The following GLG1 variants were observed in gnomAD, a reference collection of about 807,000 sequenced individuals.
GLG1 encodes golgi glycoprotein 1.
Under a neutral mutation model 160.5 loss-of-function variants are expected in GLG1, and 38 were observed. The ratio of observed to expected loss-of-function variants is 0.24; its 90% CI spans 0.18 to 0.31. The LOEUF is 0.31. Ranked by LOEUF, GLG1 falls within the 10% of genes least tolerant of loss-of-function variation. The pLI, the probability that GLG1 is intolerant of heterozygous loss-of-function variation, is 1.00. For missense variants in GLG1, 1,373 were observed against 1,505.2 expected, an observed-to-expected ratio of 0.91 and a Z score of 1.45; for synonymous variants, 644 against 543.4, an observed-to-expected ratio of 1.19 and a Z score of -2.57.
chr16:74,598,848 C>T (rs570633937), intron 1 of GLG1, among the ~76,000 whole-genome samples: 98 of 151,890 alleles, frequency 6.5e-4, no homozygotes, highest in Admixed American at 1.3e-3. Flanking sequence ...CATTCCACTT[C>T]ACTCCAGCCT....
chr16:74,502,965 C>G (rs13339456), intron 4 of GLG1, among the ~76,000 whole-genome samples: 101,534 of 151,228 alleles, frequency 0.67, 34,299 homozygotes, highest in East Asian at 0.81. Flanking sequence ...CCAGCACTTT[C>G]GGAGGCCGAG....
rs762466362 is a variant in GLG1, at chr16:74,508,940, A to G, written c.472-15T>C. On this transcript the variant is annotated splice_polypyrimidine_tract_variant and intron_variant, in intron 2 of 25. Transcript: ENST00000422840. ...TTCCACAACAACTAGATAGGAGAGG[A>G]AAAAAAAAAACAAAGAAAAACTCCA... The G allele has an allele frequency of 2.2e-4, 161 of 748,752 alleles. No individual in the cohort carries two copies. The highest frequency in any genetic ancestry group is 2.8e-4 in the Middle Eastern group (1 of 3,514). The allele number at this position is 748,752 out of a possible 1,614,324, so 46.4% of individuals were successfully genotyped here. A position where few individuals can be genotyped will look rare whatever the true frequency, so the allele number is the denominator to read the frequency against.
chr16:74,496,782 T>C, intron 4 of GLG1, 138 bp from the exon 5 acceptor site: 1 of 633,704 alleles, frequency 1.6e-6, no homozygotes, highest in South Asian at 2.0e-5. Context: ...GTTGACTTAT[T>C]AACGTTCTAC....
intron 9 of GLG1, among the ~76,000 whole-genome samples, chr16:74,483,884 C>T (rs542483647): frequency 6.6e-6 from 1 of 152,274 alleles, no homozygotes; most frequent in South Asian, 2.1e-4. Context: ...TGGTCTCGAT[C>T]TCCTGACCTC....
intron 9 of GLG1, 75 bp from the exon 10 acceptor site, chr16:74,483,199 T>C (rs2015669016): frequency 4.6e-6 from 4 of 866,108 alleles, no homozygotes; most frequent in Non-Finnish European, 7.7e-6. Flanking sequence ...ATTTCCCTGG[T>C]CTGTAGAAGG....
At chr16:74,510,160 T>C (rs932793512) in intron 2 of GLG1, among the ~76,000 whole-genome samples, 1 of 151,462 alleles carries the variant, frequency 6.6e-6, no homozygotes, top group Non-Finnish European at 1.5e-5. Context: ...GCCTCCCGAG[T>C]AGCTGGGATT....
chr16:74,522,435 A>G (rs2143561292), intron 2 of GLG1, among the ~76,000 whole-genome samples: 3 of 152,330 alleles, frequency 2.0e-5, no homozygotes, highest in African/African-American at 7.2e-5. Context: ...TATCTCACTG[A>G]GATTTTCATT....
chr16:74,558,994 C>T lies in GLG1; in HGVS notation c.439-26841G>A, dbSNP rs562220144. Among the ~76,000 whole-genome samples the T allele has an allele frequency of 1.8e-3, 279 of 152,278 alleles. 1 individual carries two copies. The highest frequency in any genetic ancestry group is 6.5e-3 in the African/African-American group (270 of 41,562). On this transcript the variant is annotated intron_variant, in intron 1 of 25. Coordinates refer to ENST00000422840, the MANE Select transcript of GLG1 (RefSeq NM_001145667.2). The stretch of plus-strand genomic sequence containing the variant: ...CCCAGAACTGGGCTCAAGCAATTCT[C>T]CCACCTCAGCCTCCTGAGCAGCTGG...
intron 12 of GLG1, among the ~76,000 whole-genome samples, 164 bp from the exon 13 acceptor site, chr16:74,474,796 G>C (rs1377917299): frequency 1.3e-5 from 2 of 152,050 alleles, no homozygotes; most frequent in African/African-American, 2.4e-5. Context: ...TAATTCCCCA[G>C]ACTGAGATTG....
At chr16:74,550,778 T>C (rs2018177278) in intron 1 of GLG1, among the ~76,000 whole-genome samples, 2 of 152,140 alleles carry the variant, frequency 1.3e-5, no homozygotes, top group African/African-American at 4.8e-5. Flanking sequence ...TTTTTAGTGA[T>C]ACTATAAATA....
rs966339449 is a variant in GLG1, at chr16:74,451,536, T to G, written c.*1631A>C. 1 of 154,866 alleles carries G rather than the reference T, an allele frequency of 6.5e-6. No individual in the cohort carries two copies. Among genetic ancestry groups the G allele is most frequent in the Admixed American group, 6.3e-5 (1 of 15,848 alleles). 9.6% of individuals were successfully genotyped at this position (154,866 alleles called of 1,614,324 possible). On this transcript the variant is annotated 3_prime_UTR_variant, in exon 26 of 26. Coordinates refer to ENST00000422840, the MANE Select transcript of GLG1 (RefSeq NM_001145667.2). ...GACATGTGTCGCTCCGGTCCTGCAGTGCACGTGGACTGTGCAGAGCAGAGG... is the reference window on the plus strand; with the variant it reads ...GACATGTGTCGCTCCGGTCCTGCAGGGCACGTGGACTGTGCAGAGCAGAGG...
chr16:74,570,749 G>A (rs867267743), intron 1 of GLG1, among the ~76,000 whole-genome samples: 2 of 152,182 alleles, frequency 1.3e-5, no homozygotes, highest in Admixed American at 6.5e-5. Flanking sequence ...TCAGCCAGGT[G>A]TGGTGGCACA....
chr16:74,561,160 T>C (rs1463846050), intron 1 of GLG1, among the ~76,000 whole-genome samples: 1 of 152,138 alleles, frequency 6.6e-6, no homozygotes, highest in Non-Finnish European at 1.5e-5. Flanking sequence ...TTCCTCCTGC[T>C]GGTGTCAGAG....
intron 1 of GLG1, among the ~76,000 whole-genome samples, chr16:74,578,162 T>C (rs1253434890): frequency 1.3e-5 from 2 of 152,196 alleles, no homozygotes; most frequent in African/African-American, 4.8e-5. Flanking sequence ...TGATCTCTTT[T>C]TGAAAAACTG....
At position 74,459,093 on chromosome 16, in the gene GLG1, G is replaced by A. The variant is rs981090383; in HGVS notation, c.3144+589C>T. Among the ~76,000 whole-genome samples, 16 of 152,274 alleles carry A rather than the reference G, an allele frequency of 1.1e-4. 2 individuals carry two copies. Among genetic ancestry groups the A allele is most frequent in the East Asian group, 1.9e-4 (1 of 5,186 alleles). ...ATAAAAGAGGCAAAGGAAAATATAC[G>A]GATCTAGCTTTCCACATTTTTAACA... On this transcript the variant is annotated intron_variant, in intron 23 of 25. Transcript: ENST00000422840.
chr16:74,602,296 A>AT (rs1958456225), intron 1 of GLG1, among the ~76,000 whole-genome samples: 1 of 152,300 alleles, frequency 6.6e-6, no homozygotes, highest in Non-Finnish European at 1.5e-5. Context: ...GCAAGAAAGA[A>AT]TTTTTTTATG....
rs1567483205 is a variant in GLG1 at position 74,498,466 on chromosome 16, A to ATATATATATATATATATATATATATATT, written c.775-1823_775-1822insAATATATATATATATATATATATATATA. On this transcript the variant is annotated intron_variant, in intron 4 of 25. Transcript: ENST00000422840. ...AAAAAAAGTATATATATATATATAT[A>ATATATATATATATATATATATATATATT]TTATATTTTATATATATATTTTATA... 2.3e-5 allele frequency among the ~76,000 whole-genome samples: 2 copies of ATATATATATATATATATATATATATATT among 86,688 alleles called. 1 individual carries two copies. Among genetic ancestry groups the ATATATATATATATATATATATATATATT allele is most frequent in the African/African-American group, 9.3e-5 (2 of 21,396 alleles). 56.9% of individuals were successfully genotyped at this position (86,688 alleles called of 152,430 possible).
intron 4 of GLG1, among the ~76,000 whole-genome samples, chr16:74,499,748 A>C (rs1334432662): frequency 6.6e-6 from 1 of 152,236 alleles, no homozygotes; most frequent in Non-Finnish European, 1.5e-5. Flanking sequence ...TCACGCCTGT[A>C]ATCCCAGCGC....
In GLG1 at chr16:74,511,025, G is replaced by A. The variant is rs141954533; in HGVS notation, c.472-2100C>T. Among the ~76,000 whole-genome samples, 282 of 152,254 alleles carry A rather than the reference G, an allele frequency of 1.9e-3. 4 individuals carry two copies. The highest frequency in any genetic ancestry group is 6.5e-3 in the African/African-American group (271 of 41,554). On this transcript the variant is annotated intron_variant, in intron 2 of 25. Transcript: ENST00000422840. ...GACACCGCATCCATGGAAGCAAGGG[G>A]TGGAGGGAACCAGAAGTCCAATGGA...
Sources: allele counts gnomAD v4.1 joint callset (sites outside exome capture counted in the v4.1 genomes callset), GRCh38; gene constraint gnomAD v4.1.1; transcripts MANE v1.5; gene names NCBI Gene and HGNC (gene_info 2026-07-23, HGNC 2026-07-21).